Variants in IQSEC1 observed in about 807,000 individuals in gnomAD.
IQSEC1 encodes IQ motif and Sec7 domain ArfGEF 1, also known as IQ motif and SEC7 domain-containing protein 1.
IQSEC1 carries 31 observed loss-of-function variants against 91.0 expected under a neutral mutation model. The ratio of observed to expected loss-of-function variants is 0.34; its 90% CI spans 0.26 to 0.46. The LOEUF is 0.46. IQSEC1 is among the 20% of genes least tolerant of loss of function. The pLI is 1.00. For missense variants in IQSEC1, 1,388 were observed against 1,575.6 expected, an observed-to-expected ratio of 0.88 and a Z score of 2.02; for synonymous variants, 699 against 662.6, an observed-to-expected ratio of 1.05 and a Z score of -0.84.
chr3:13,000,484 T>TA (rs1702376974), intron 1 of IQSEC1, among the ~76,000 whole-genome samples: 3 of 152,148 alleles, frequency 2.0e-5, no homozygotes, highest in Admixed American at 2.0e-4. Flanking sequence ...CTATTATTAA[T>TA]AAAAATAACA....
intron 1 of IQSEC1, among the ~76,000 whole-genome samples, chr3:13,024,750 T>TCCAC (rs1703549039): frequency 6.6e-6 from 1 of 152,122 alleles, no homozygotes; most frequent in African/African-American, 2.4e-5. Flanking sequence ...CATTTGTCCA[T>TCCAC]CCACCCATCC....
At chr3:13,191,796 T>C (rs1022729154) in intron 1 of IQSEC1, among the ~76,000 whole-genome samples, 2 of 152,140 alleles carry the variant, frequency 1.3e-5, no homozygotes, top group African/African-American at 4.8e-5. Context: ...TCTGTGGAGG[T>C]TTTGCAGTCC....
chr3:13,155,266 AAG>A (rs1707067112), intron 2 of IQSEC1, among the ~76,000 whole-genome samples: 1 of 152,182 alleles, frequency 6.6e-6, no homozygotes, highest in African/African-American at 2.4e-5. Context: ...CAAGAATAAA[AAG>A]ACTCAACTAA....
intron 1 of IQSEC1, among the ~76,000 whole-genome samples, chr3:13,026,436 G>A (rs1196240004): frequency 1.3e-5 from 2 of 152,206 alleles, no homozygotes; most frequent in Non-Finnish European, 2.9e-5. Flanking sequence ...ACCTCCTCTA[G>A]GAAGCCAATT....
At position 13,207,325 on chromosome 3, in the gene IQSEC1, G is replaced by A. The variant is rs1262005365; in HGVS notation, c.273-43192C>T. On this transcript the variant is annotated intron_variant, in intron 1 of 15. Coordinates refer to the IQSEC1 transcript ENST00000648114. The surrounding 1 kb of genome is among the most constrained non-coding windows in gnomAD (Gnocchi z 4.8). Reference sequence around the variant, plus strand: ...ATGTCGGCAGGTCCTAACAGCTTCCGCTCCAACACCCATCGCCAATCTGCC... The same window carrying A: ...ATGTCGGCAGGTCCTAACAGCTTCCACTCCAACACCCATCGCCAATCTGCC... Among the ~76,000 whole-genome samples, 1 of 151,856 alleles carries A rather than the reference G, an allele frequency of 6.6e-6. No individual in the cohort carries two copies.
chr3:13,012,980 T>TTTTTTTTTTG (rs369486023), intron 1 of IQSEC1, among the ~76,000 whole-genome samples: 1 of 149,498 alleles, frequency 6.7e-6, no homozygotes. Context: ...TTTTTTTTTT[T>TTTTTTTTTTG]GAGACAGTCT....
At chr3:13,114,342 G>C (rs781539264) in intron 2 of IQSEC1, among the ~76,000 whole-genome samples, 47 of 152,214 alleles carry the variant, frequency 3.1e-4, no homozygotes, top group Non-Finnish European at 4.3e-4. Flanking sequence ...CTCATGGCCT[G>C]CAGGTGGGCA....
At chr3:13,190,020 G>A (rs1206362806) in intron 1 of IQSEC1, among the ~76,000 whole-genome samples, 3 of 152,168 alleles carry the variant, frequency 2.0e-5, no homozygotes, top group African/African-American at 4.8e-5. Flanking sequence ...TGGCCCCACC[G>A]CCCTGACCAC....
At chr3:13,187,279 C>T (rs1693950412) in intron 1 of IQSEC1, among the ~76,000 whole-genome samples, 1 of 152,170 alleles carries the variant, frequency 6.6e-6, no homozygotes, top group African/African-American at 2.4e-5. Flanking sequence ...ACCTTTCCCA[C>T]AGCACGGCTG....
At chr3:13,185,504 C>A (rs1693915416) in intron 1 of IQSEC1, among the ~76,000 whole-genome samples, 1 of 152,206 alleles carries the variant, frequency 6.6e-6, no homozygotes, top group African/African-American at 2.4e-5. Flanking sequence ...ATGGGAGCAC[C>A]TCAGCAGATA....
At chr3:13,189,992 AG>A (rs1311559353) in intron 1 of IQSEC1, among the ~76,000 whole-genome samples, 1 of 152,182 alleles carries the variant, frequency 6.6e-6, no homozygotes, top group Non-Finnish European at 1.5e-5. Context: ...CCAGCTCTGA[AG>A]CTGCCCAAGC....
At chr3:13,163,396 C>T (rs1052162437) in intron 2 of IQSEC1, among the ~76,000 whole-genome samples, 1 of 152,182 alleles carries the variant, frequency 6.6e-6, no homozygotes, top group South Asian at 2.1e-4. Flanking sequence ...TCTTAACTGC[C>T]TCCTGGCCTC....
intron 1 of IQSEC1, among the ~76,000 whole-genome samples, chr3:12,999,138 A>T (rs1702328195): frequency 6.6e-6 from 1 of 152,174 alleles, no homozygotes; most frequent in South Asian, 2.1e-4. Flanking sequence ...GGCACTCAGG[A>T]TGACTCCCCG....
At chr3:13,260,173 G>C (rs1462476544) in intron 1 of IQSEC1, among the ~76,000 whole-genome samples, 1 of 152,194 alleles carries the variant, frequency 6.6e-6, no homozygotes, top group Non-Finnish European at 1.5e-5. Flanking sequence ...GCGTGGAGGA[G>C]GAAGGGAAGA....
chr3:13,107,361 T>C (rs1019728607), intron 2 of IQSEC1, among the ~76,000 whole-genome samples: 1 of 152,210 alleles, frequency 6.6e-6, no homozygotes, highest in African/African-American at 2.4e-5. Context: ...AACAGGACCA[T>C]GCCCCCTGCG....
At chr3:13,253,991 G>C (rs1376515312) in intron 1 of IQSEC1, among the ~76,000 whole-genome samples, 2 of 152,182 alleles carry the variant, frequency 1.3e-5, no homozygotes, top group Non-Finnish European at 2.9e-5. Context: ...CTGACCAACA[G>C]GTGATGCGCC....
intron 1 of IQSEC1, among the ~76,000 whole-genome samples, chr3:13,245,148 C>T (rs1695087194): frequency 6.6e-6 from 1 of 152,140 alleles, no homozygotes; most frequent in Admixed American, 6.5e-5. Flanking sequence ...TCTGGGCTCG[C>T]TCATGTGTCT....
chr3:13,256,898 GC>G (rs1221800941), intron 1 of IQSEC1, among the ~76,000 whole-genome samples: 1 of 148,904 alleles, frequency 6.7e-6, no homozygotes, highest in Non-Finnish European at 1.5e-5. Context: ...AGCACCAGCA[GC>G]CAGCGGCCCC....
rs767537222 is a variant in IQSEC1 at position 12,936,701 on chromosome 3, C to T, written c.319-4G>A. On this transcript the variant is annotated splice_polypyrimidine_tract_variant and splice_region_variant and intron_variant, in intron 2 of 13. Coordinates refer to ENST00000613206, the MANE Select transcript of IQSEC1 (RefSeq NM_001134382.3). ...ACTTTCGTTCTAGCATCTCCACCTGCGGGTGGGAGAGGAGAATGAGAACAG... is the reference window on the plus strand; with the variant it reads ...ACTTTCGTTCTAGCATCTCCACCTGTGGGTGGGAGAGGAGAATGAGAACAG... 1.1e-4 allele frequency: 173 copies of T among 1,562,738 alleles called. No homozygotes were observed. Among genetic ancestry groups the T allele is most frequent in the Middle Eastern group, 1.7e-4 (1 of 6,028 alleles).
Sources: allele counts gnomAD v4.1 joint callset (sites outside exome capture counted in the v4.1 genomes callset), GRCh38; gene constraint gnomAD v4.1.1; non-coding constraint Gnocchi (gnomAD v3.1); transcripts MANE v1.5; gene names NCBI Gene and HGNC (gene_info 2026-07-23, HGNC 2026-07-21).